Variants in TNFAIP3 observed in about 807,000 individuals in gnomAD.
TNFAIP3 encodes the protein TNF alpha induced protein 3.
A neutral mutation model predicts 72.4 loss-of-function variants in TNFAIP3; 9 were observed. That is an observed-to-expected ratio of 0.12 (90% CI 0.07 to 0.22). The LOEUF is 0.22. Ranked by LOEUF, TNFAIP3 falls within the 10% of genes least tolerant of loss-of-function variation. The probability of loss-of-function intolerance (pLI) is 1.00; values close to 1 mark genes in which losing one functional copy is unlikely to be tolerated. For synonymous variants in TNFAIP3, 339 were observed against 372.6 expected (o/e 0.91, Z 1.04); for missense variants, 833 against 1,018.7 (o/e 0.82, Z 2.48).
chr6:137,877,002 C>A, intron 5 of TNFAIP3, 74 bp from the exon 6 acceptor site: 1 of 1,205,496 alleles, frequency 8.3e-7, no homozygotes, highest in Non-Finnish European at 1.1e-6. Context: ...TATACATTTT[C>A]AAAATGAGAT....
rs1483531465 is a variant in TNFAIP3, at chr6:137,881,551, A to G, written c.*232A>G. On this transcript the variant is annotated 3_prime_UTR_variant, in exon 9 of 9. Coordinates refer to ENST00000612899, the MANE Select transcript of TNFAIP3 (RefSeq NM_001270508.2). This position sits in a 1 kb window ranked among gnomAD's most constrained non-coding sequence, Gnocchi z 5.0. Reference sequence around the variant, plus strand: ...CTTGTAACTGGCAAGGGATGATGTCAGATTCAGCCCAAGGTTCCTCCTCTC... The same window carrying G: ...CTTGTAACTGGCAAGGGATGATGTCGGATTCAGCCCAAGGTTCCTCCTCTC... 2.3e-6 allele frequency: 1 copy of G among 441,302 alleles called. No individual in the cohort carries two copies. Among genetic ancestry groups the G allele is most frequent in the African/African-American group, 2.0e-5 (1 of 49,522 alleles). 27.3% of individuals were successfully genotyped at this position (441,302 alleles called of 1,614,324 possible).
In TNFAIP3 at chr6:137,878,887, C is replaced by T; in HGVS notation, c.1442C>T (p.Pro481Leu). 7 of 1,614,150 alleles carry T rather than the reference C, an allele frequency of 4.3e-6. No individual in the cohort carries two copies. Among genetic ancestry groups the T allele is most frequent in the Non-Finnish European group, 5.9e-6 (7 of 1,180,018 alleles). ...ACCACTGCCATGAAGTGCAGGAGCCCCGGCTGCCCCTTCACACTGAATGTG... is the reference window on the plus strand; with the variant it reads ...ACCACTGCCATGAAGTGCAGGAGCCTCGGCTGCCCCTTCACACTGAATGTG... ...SETTAMKCRS[P>L]GCPFTLNVQH... The change falls in exon 7 of 9, where the codon CCC (proline) becomes CTC (leucine). Residue 481 changes from proline to leucine, a missense_variant. Coordinates refer to ENST00000612899, the MANE Select transcript of TNFAIP3 (RefSeq NM_001270508.2).
chr6:137,879,480 C>A, intron 7 of TNFAIP3, 129 bp downstream of exon 7: 3 of 1,126,880 alleles, frequency 2.7e-6, no homozygotes, highest in Non-Finnish European at 3.7e-6. Context: ...GCTTTTCTAC[C>A]AGCTTGTGCA....
chr6:137,870,118 G>A (rs535536845), intron 1 of TNFAIP3, among the ~76,000 whole-genome samples: 6 of 152,262 alleles, frequency 3.9e-5, no homozygotes, highest in African/African-American at 1.4e-4. Flanking sequence ...CCTTCTACTA[G>A]TTGATTATGC....
chr6:137,874,762 G>C (rs1008108450), intron 2 of TNFAIP3, 83 bp from the exon 3 acceptor site: 51 of 1,377,864 alleles, frequency 3.7e-5, no homozygotes, highest in Non-Finnish European at 4.9e-5. Context: ...TAGCAGTAGG[G>C]CTGGTTTATT....
chr6:137,878,732 G>C lies in TNFAIP3; in HGVS notation c.1287G>C (p.Gly429=), dbSNP rs745476917. 1 of 1,614,096 alleles carries C rather than the reference G, an allele frequency of 6.2e-7. No individual in the cohort carries two copies. Among genetic ancestry groups the C allele is most frequent in the Non-Finnish European group, 8.5e-7 (1 of 1,180,026 alleles). The change falls in exon 7 of 9, where the codon GGG becomes GGC. Residue 429 remains glycine, a synonymous_variant. Coordinates refer to ENST00000612899, the MANE Select transcript of TNFAIP3 (RefSeq NM_001270508.2). ...TGAACTCCAAGCCGGGCCCTGAGGG[G>C]CTCCCTGGCATGGCGCTCGGGGCCT... ...PKLNSKPGPE[G]LPGMALGASR... is the part of the protein sequence containing the mutation.
Position 137,874,262 on chromosome 6 carries a change from C to T in TNFAIP3, c.296-583C>T, listed in dbSNP as rs953543448. 2.0e-5 allele frequency among the ~76,000 whole-genome samples: 3 copies of T among 152,174 alleles called. No homozygotes were observed. In the South Asian group the frequency reaches 6.2e-4, roughly 32 times the overall value. On this transcript the variant is annotated intron_variant, in intron 2 of 8. Transcript: ENST00000612899. ...CAGGCCATAGGTAATTCCGTGTTGT[C>T]AATACGACTTTCCACACCAGGAGAG...
Position 137,867,378 on chromosome 6 carries a change from C to T in TNFAIP3, c.-180C>T. Reference sequence around the variant, plus strand: ...GACCCTGCCAGCGAGCGAGCCCGACCCCAGGCGTCCATGGAGCGTCGCCTC... The same window carrying T: ...GACCCTGCCAGCGAGCGAGCCCGACTCCAGGCGTCCATGGAGCGTCGCCTC... On this transcript the variant is annotated 5_prime_UTR_variant, in exon 1 of 9. Transcript: ENST00000612899. The surrounding 1 kb of genome is among the most constrained non-coding windows in gnomAD (Gnocchi z 6.0). 6.5e-6 allele frequency: 1 copy of T among 152,796 alleles called. No individual in the cohort carries two copies. Among genetic ancestry groups the T allele is most frequent in the Non-Finnish European group, 1.5e-5 (1 of 68,314 alleles). The allele number at this position is 152,796 out of a possible 1,614,324, so 9.5% of individuals were successfully genotyped here. A position where few individuals can be genotyped will look rare whatever the true frequency, so the allele number is the denominator to read the frequency against.
intron 6 of TNFAIP3, among the ~76,000 whole-genome samples, 172 bp from the exon 7 acceptor site, chr6:137,878,260 T>A (rs551438877): frequency 2.7e-4 from 41 of 152,340 alleles, no homozygotes; most frequent in South Asian, 6.2e-4. Context: ...ATGTGTCAGA[T>A]CATGTTGCGT....
rs1776352055 is a variant in TNFAIP3, at chr6:137,879,081, G to A, written c.1636G>A (p.Glu546Lys). ...CSTCFKRTTA[E>K]ASSSLSTSLP... ...TACTTGCTTCAAAAGGACTACAGCAGAGGCCTCCTCCAGCCTCAGCACCAG... is the reference window on the plus strand; with the variant it reads ...TACTTGCTTCAAAAGGACTACAGCAAAGGCCTCCTCCAGCCTCAGCACCAG... The change falls in exon 7 of 9, where the codon GAG (glutamate) becomes AAG (lysine). Residue 546 changes from glutamate (E) to lysine (K), a missense_variant. Coordinates refer to ENST00000612899, the MANE Select transcript of TNFAIP3 (RefSeq NM_001270508.2). 6.2e-7 allele frequency: 1 copy of A among 1,614,066 alleles called. No homozygotes were observed. Among genetic ancestry groups the A allele is most frequent in the African/African-American group, 1.3e-5 (1 of 74,926 alleles).
intron 2 of TNFAIP3, among the ~76,000 whole-genome samples, chr6:137,872,379 G>A (rs1776091144): frequency 6.6e-6 from 1 of 152,176 alleles, no homozygotes; most frequent in Non-Finnish European, 1.5e-5. Flanking sequence ...TCAATTAAAT[G>A]CTCATAGTCT....
intron 2 of TNFAIP3, among the ~76,000 whole-genome samples, chr6:137,873,577 C>G (rs1489979619): frequency 6.6e-6 from 1 of 152,130 alleles, no homozygotes; most frequent in Non-Finnish European, 1.5e-5. Context: ...CCAGATGTTA[C>G]TTAGGGAATT....
rs1227632502 is a variant in TNFAIP3 at position 137,871,653 on chromosome 6, A to G, written c.295+131A>G. 4 of 977,904 alleles carry G rather than the reference A, an allele frequency of 4.1e-6. No homozygotes were observed. Among genetic ancestry groups the G allele is most frequent in the South Asian group, 1.6e-5 (1 of 60,904 alleles). 60.6% of individuals were successfully genotyped at this position (977,904 alleles called of 1,614,324 possible). On this transcript the variant is annotated intron_variant, in intron 2 of 8. Coordinates refer to ENST00000612899, the MANE Select transcript of TNFAIP3 (RefSeq NM_001270508.2). The surrounding 1 kb of genome is among the most constrained non-coding windows in gnomAD (Gnocchi z 4.2). ...TGAGATTTAGTATTGAGACCTTTAT[A>G]TAGAATCTCTATTCGGGGTATGTGA...
At chr6:137,879,376 A>G in intron 7 of TNFAIP3, 25 bp downstream of exon 7, 1 of 1,597,344 alleles carries the variant, frequency 6.3e-7, no homozygotes, top group Non-Finnish European at 8.5e-7. Context: ...TGACTTCCTA[A>G]CACAGCGGCT....
Position 137,882,233 on chromosome 6 carries a change from GTGT to G in TNFAIP3, c.*915_*917del, listed in dbSNP as rs1278628073. On this transcript the variant is annotated 3_prime_UTR_variant, in exon 9 of 9. Coordinates refer to ENST00000612899, the MANE Select transcript of TNFAIP3 (RefSeq NM_001270508.2). Reference sequence around the variant, plus strand: ...CTGGTTGTTGTTGGGGCATGAGCTTGTGTATACACTGCTTGCATAAACTCAACC... The same window carrying G: ...CTGGTTGTTGTTGGGGCATGAGCTTGATACACTGCTTGCATAAACTCAACC... 8.6e-6 allele frequency: 2 copies of G among 232,272 alleles called. No homozygotes were observed. Among genetic ancestry groups the G allele is most frequent in the African/African-American group, 2.2e-5 (1 of 45,292 alleles). The allele number at this position is 232,272 out of a possible 1,614,324, so 14.4% of individuals were successfully genotyped here.
chr6:137,878,614 C>T lies in TNFAIP3; in HGVS notation c.1169C>T (p.Pro390Leu), dbSNP rs1776328253. ...LSLMDVKCET[P>L]NCPFFMSVNT... ...CTCATGGATGTAAAATGTGAAACGC[C>T]CAACTGCCCCTTCTTCATGTCTGTG... The change falls in exon 7 of 9, where the codon CCC becomes CTC. Residue 390 changes from proline to leucine, a missense_variant. This residue lies in a region of TNFAIP3 where 587 missense variants were observed against 657.8 expected (regional missense o/e 0.89). Coordinates refer to ENST00000612899, the MANE Select transcript of TNFAIP3 (RefSeq NM_001270508.2). 1 of 1,614,222 alleles carries T rather than the reference C, an allele frequency of 6.2e-7. No individual in the cohort carries two copies.
Position 137,881,158 on chromosome 6 carries a change from C to T in TNFAIP3, c.2212C>T (p.His738Tyr), listed in dbSNP as rs2114516545. ...CGAGGAGCTCTGCATGGAGTGTCAG[C>T]ATCCCAACCAGAGGATGGGCCCTGG... Reference protein sequence around the residue: ...RSEELCMECQHPNQRMGPGAH... With the variant: ...RSEELCMECQYPNQRMGPGAH... Residue 738 changes from histidine (H) to tyrosine (Y), a missense_variant, in exon 9 of 9, where the codon CAT becomes TAT. By Grantham distance (83) the His-to-Tyr change is moderately conservative. Transcript: ENST00000612899. This position sits in a 1 kb window ranked among gnomAD's most constrained non-coding sequence, Gnocchi z 5.0. 6.2e-7 allele frequency: 1 copy of T among 1,613,920 alleles called. No homozygotes were observed. The highest frequency in any genetic ancestry group is 8.5e-7 in the Non-Finnish European group (1 of 1,179,990).
chr6:137,877,329 C>A, intron 6 of TNFAIP3, 73 bp downstream of exon 6: 1 of 1,393,822 alleles, frequency 7.2e-7, no homozygotes, highest in Non-Finnish European at 9.7e-7. Flanking sequence ...TGAGTTGCTG[C>A]CACCCTGAAG....
At chr6:137,869,910 C>G (rs182128892) in intron 1 of TNFAIP3, among the ~76,000 whole-genome samples, 8 of 152,336 alleles carry the variant, frequency 5.3e-5, no homozygotes, top group African/African-American at 1.4e-4. Flanking sequence ...TGGCCAGACA[C>G]CCTACTAAGG....
Sources: allele counts gnomAD v4.1 joint callset (sites outside exome capture counted in the v4.1 genomes callset), GRCh38; gene constraint gnomAD v4.1.1; regional missense constraint gnomAD v4.1.1; non-coding constraint Gnocchi (gnomAD v3.1); transcripts MANE v1.5; gene names NCBI Gene and HGNC (gene_info 2026-07-23, HGNC 2026-07-21).